Variants in GPC5 observed in about 807,000 individuals in gnomAD.
GPC5 encodes glypican 5.
GPC5 carries 47 observed loss-of-function variants against 53.9 expected under a neutral mutation model. That is an observed-to-expected ratio of 0.87 (90% CI 0.69 to 1.11). GPC5 has a LOEUF of 1.11. Ranked by LOEUF, GPC5 falls within the 50% of genes most tolerant of loss-of-function variation. The pLI, the probability that GPC5 is intolerant of heterozygous loss-of-function variation, is 0.00. For synonymous variants in GPC5, 286 were observed against 263.3 expected, an observed-to-expected ratio of 1.09 and a Z score of -0.84; for missense variants, 748 against 713.1, an observed-to-expected ratio of 1.05 and a Z score of -0.56.
At chr13:92,685,696 A>G (rs1209507711) in intron 7 of GPC5, among the ~76,000 whole-genome samples, 6 of 110,266 alleles carry the variant, frequency 5.4e-5, no homozygotes, top group Non-Finnish European at 9.0e-5. Context: ...ATATCTCCCA[A>G]TGCTATCCCT....
At chr13:91,551,807 A>T (rs963053648) in intron 2 of GPC5, among the ~76,000 whole-genome samples, 2 of 152,148 alleles carry the variant, frequency 1.3e-5, no homozygotes, top group African/African-American at 4.8e-5. Context: ...AACATTATTC[A>T]TGAAAAATTA....
At chr13:92,770,225 G>A (rs1875559801) in intron 7 of GPC5, among the ~76,000 whole-genome samples, 1 of 152,008 alleles carries the variant, frequency 6.6e-6, no homozygotes, top group South Asian at 2.1e-4. Context: ...ACCAGCCTGG[G>A]CAATATAGGC....
At chr13:91,642,538 C>G (rs1381287301) in intron 2 of GPC5, among the ~76,000 whole-genome samples, 1 of 152,078 alleles carries the variant, frequency 6.6e-6, no homozygotes, top group African/African-American at 2.4e-5. Flanking sequence ...TCAACATTGT[C>G]AGCCACCACA....
In GPC5 at chr13:92,702,522, G is replaced by A. The variant is rs141160469; in HGVS notation, c.1562-163760G>A. On this transcript the variant is annotated intron_variant, in intron 7 of 7. Transcript: ENST00000377067. ...GAATCCTTGAGTTACCCCATGATCC[G>A]TCAGAAGCAATAGAAATCCATAAGG... is the stretch of plus-strand genomic sequence containing the variant. Among the ~76,000 whole-genome samples, 304 of 152,034 alleles carry A rather than the reference G, an allele frequency of 2.0e-3. 1 individual carries two copies. Among genetic ancestry groups the A allele is most frequent in the Non-Finnish European group, 3.3e-3 (223 of 67,958 alleles).
intron 7 of GPC5, among the ~76,000 whole-genome samples, chr13:92,369,604 G>T (rs966832086): frequency 1.3e-5 from 2 of 152,220 alleles, no homozygotes; most frequent in African/African-American, 4.8e-5. Context: ...ACAAGCTATT[G>T]TAGGAAAACT....
At chr13:91,571,950 TACACAC>T in intron 2 of GPC5, among the ~76,000 whole-genome samples, 1 of 137,490 alleles carries the variant, frequency 7.3e-6, no homozygotes, top group African/African-American at 2.6e-5. Flanking sequence ...TATATACATA[TACACAC>T]ATATATGTAT....
chr13:92,081,609 C>G (rs1033879506), intron 6 of GPC5, among the ~76,000 whole-genome samples: 8 of 152,082 alleles, frequency 5.3e-5, no homozygotes, highest in Admixed American at 3.9e-4. Context: ...TTCTACACTT[C>G]CATGCTCTCA....
chr13:92,254,347 T>C (rs142334154), intron 7 of GPC5, among the ~76,000 whole-genome samples: 64 of 152,280 alleles, frequency 4.2e-4, no homozygotes, highest in African/African-American at 1.4e-3. Flanking sequence ...TGGAAACCTC[T>C]TTGAAGAATC....
chr13:91,413,665 C>T lies in GPC5; in HGVS notation c.163+14456C>T, dbSNP rs150080361. Among the ~76,000 whole-genome samples the T allele has an allele frequency of 2.8e-4, 42 of 152,328 alleles. No homozygotes were observed. The East Asian group carries it at 6.2e-3, about 22-fold the overall frequency. ...TCTCTGTGTGATAACACTTTCCAGGCTCCTGGGATTGAGTCCAATAGCAGC... is the reference window on the plus strand; with the variant it reads ...TCTCTGTGTGATAACACTTTCCAGGTTCCTGGGATTGAGTCCAATAGCAGC... On this transcript the variant is annotated intron_variant, in intron 1 of 7. Coordinates refer to ENST00000377067, the MANE Select transcript of GPC5 (RefSeq NM_004466.6).
At chr13:91,832,575 C>T (rs1594604013) in intron 5 of GPC5, among the ~76,000 whole-genome samples, 1 of 152,046 alleles carries the variant, frequency 6.6e-6, no homozygotes, top group African/African-American at 2.4e-5. Flanking sequence ...ATCATAGTGT[C>T]GATGGTCTTT....
intron 7 of GPC5, among the ~76,000 whole-genome samples, chr13:92,189,568 T>C (rs2042208660): frequency 6.6e-6 from 1 of 152,068 alleles, no homozygotes; most frequent in Non-Finnish European, 1.5e-5. Context: ...TTTTACATCG[T>C]GTCTGCCTTT....
At chr13:91,419,846 CT>C (rs760007142) in intron 1 of GPC5, among the ~76,000 whole-genome samples, 5 of 152,136 alleles carry the variant, frequency 3.3e-5, no homozygotes, top group Non-Finnish European at 5.9e-5. Context: ...CAGGATGTAC[CT>C]AGTTGTTTGC....
At chr13:91,525,726 A>G (rs1039424225) in intron 2 of GPC5, among the ~76,000 whole-genome samples, 1 of 152,168 alleles carries the variant, frequency 6.6e-6, no homozygotes, top group Non-Finnish European at 1.5e-5. Context: ...TAATATATGT[A>G]GAGCTCTGGA....
chr13:91,402,747 G>A (rs1369671145), intron 1 of GPC5, among the ~76,000 whole-genome samples: 1 of 152,058 alleles, frequency 6.6e-6, no homozygotes, highest in Non-Finnish European at 1.5e-5. Context: ...GATTTTTAAG[G>A]ATGACATTTT....
intron 7 of GPC5, among the ~76,000 whole-genome samples, chr13:92,526,486 CAGG>C (rs542635742): frequency 1.6e-4 from 24 of 152,112 alleles, no homozygotes; most frequent in African/African-American, 5.5e-4. Flanking sequence ...AAAAGTCAGA[CAGG>C]AGAGCAGGAG....
At chr13:91,798,578 A>T (rs993517746) in intron 5 of GPC5, among the ~76,000 whole-genome samples, 3 of 152,164 alleles carry the variant, frequency 2.0e-5, no homozygotes, top group African/African-American at 7.2e-5. Flanking sequence ...CATTGTCTTT[A>T]TCCAGTCTAT....
intron 6 of GPC5, among the ~76,000 whole-genome samples, chr13:92,109,534 A>G (rs374144282): frequency 1.1e-4 from 16 of 152,110 alleles, no homozygotes; most frequent in African/African-American, 3.6e-4. Context: ...ATTCTTTTTG[A>G]TGAAAAATGA....
intron 7 of GPC5, chr13:92,240,120 C>T (rs1190536907): frequency 6.6e-6 from 1 of 151,998 alleles, no homozygotes; most frequent in African/African-American, 2.4e-5. Flanking sequence ...GTTATAAAGA[C>T]GTTATCAATA....
At chr13:92,740,870 T>TTATG (rs1162142221) in intron 7 of GPC5, among the ~76,000 whole-genome samples, 1 of 133,550 alleles carries the variant, frequency 7.5e-6, no homozygotes, top group Non-Finnish European at 1.6e-5. Flanking sequence ...CAAATTATAT[T>TTATG]TATGTATGTA....
Sources: allele counts gnomAD v4.1 joint callset (sites outside exome capture counted in the v4.1 genomes callset), GRCh38; gene constraint gnomAD v4.1.1; transcripts MANE v1.5; gene names NCBI Gene and HGNC (gene_info 2026-07-23, HGNC 2026-07-21).